The following BCO2 variants were observed in gnomAD, a reference collection of about 807,000 sequenced individuals.
The protein encoded by BCO2 is carotenoid-cleaving dioxygenase, mitochondrial.
A neutral mutation model predicts 65.8 loss-of-function variants in BCO2; 56 were observed. The ratio of observed to expected loss-of-function variants is 0.85; its 90% confidence interval spans 0.69 to 1.06. The LOEUF (loss-of-function observed/expected upper bound fraction) is 1.06. BCO2 is among the 50% of genes least tolerant of loss of function. The probability of loss-of-function intolerance (pLI) is 0.00; values close to 1 mark genes in which losing one functional copy is unlikely to be tolerated. For missense variants in BCO2, 675 were observed against 698.5 expected (o/e 0.97, Z 0.38); for synonymous variants, 233 against 242.3 (o/e 0.96, Z 0.36).
chr11:112,205,099 A>G (rs1373620709), intron 8 of BCO2, among the ~76,000 whole-genome samples: 1 of 152,350 alleles, frequency 6.6e-6, no homozygotes, highest in South Asian at 2.1e-4. Context: ...ACAATAGTTT[A>G]TTAGTAGTTA....
At chr11:112,217,644 A>G (rs1358768164) in intron 11 of BCO2, 117 bp from the exon 12 acceptor site, 2 of 671,442 alleles carry the variant, frequency 3.0e-6, no homozygotes, top group Admixed American at 5.0e-5. Context: ...TACAGGTGTG[A>G]GCCACTGTGC....
chr11:112,204,166 T>C (rs1266711139), intron 8 of BCO2, among the ~76,000 whole-genome samples: 6 of 152,180 alleles, frequency 3.9e-5, no homozygotes, highest in Non-Finnish European at 8.8e-5. Context: ...ATAGAATATT[T>C]TTCTTTCTGT....
chr11:112,198,529 C>A (rs1306955403), intron 5 of BCO2, among the ~76,000 whole-genome samples: 1 of 151,778 alleles, frequency 6.6e-6, no homozygotes, highest in Non-Finnish European at 1.5e-5. Flanking sequence ...AAATTGTATA[C>A]AATGAGATAT....
chr11:112,181,113 G>C, intron 2 of BCO2: 1 of 1,467,692 alleles, frequency 6.8e-7, no homozygotes, highest in Non-Finnish European at 9.5e-7. Context: ...GAACCTGACA[G>C]TATGCTGGCC....
In BCO2 at chr11:112,175,599, A is replaced by C. The variant is rs1866861810; in HGVS notation, c.-3A>C. On this transcript the variant is annotated 5_prime_UTR_variant, in exon 1 of 12. Transcript: ENST00000357685. ...GAAATCACTGGATCTGCTCAATACA[A>C]AAATGTTTTTTCGAGTCTTTCTCCA... 1.9e-6 allele frequency: 3 copies of C among 1,611,518 alleles called. No individual in the cohort carries two copies. In the South Asian group the frequency reaches 3.3e-5, roughly 18 times the overall value.
At chr11:112,181,761 G>A (rs897589141) in intron 2 of BCO2, 32 of 852,270 alleles carry the variant, frequency 3.8e-5, no homozygotes, top group African/African-American at 6.6e-5. Context: ...CAGTGGTGCC[G>A]ATCTTTCTTG....
At chr11:112,192,677 CTTTT>C (rs71463410) in intron 2 of BCO2, among the ~76,000 whole-genome samples, 1 of 124,794 alleles carries the variant, frequency 8.0e-6, no homozygotes, top group Admixed American at 8.3e-5. Flanking sequence ...TTCTTTCTTT[CTTTT>C]TTTTTTTTTT....
At chr11:112,209,715 G>T (rs189631175) in intron 8 of BCO2, among the ~76,000 whole-genome samples, 207 of 152,238 alleles carry the variant, frequency 1.4e-3, no homozygotes, top group African/African-American at 4.8e-3. Context: ...TGAACATGGT[G>T]AAGTACATTG....
At chr11:112,178,655 C>T (rs1210313132) in intron 1 of BCO2, among the ~76,000 whole-genome samples, 1 of 152,106 alleles carries the variant, frequency 6.6e-6, no homozygotes, top group Non-Finnish European at 1.5e-5. Context: ...CTTCTTGTGC[C>T]TTTTGCACTT....
chr11:112,215,308 C>A, intron 10 of BCO2: 1 of 298,152 alleles, frequency 3.4e-6, no homozygotes, highest in Non-Finnish European at 6.4e-6. Context: ...CTCCCATATT[C>A]AACTCAGTAG....
In BCO2 at chr11:112,193,606, C is replaced by T. The variant is rs1368825461; in HGVS notation, c.426C>T (p.Ile142=). Residue 142 remains isoleucine (I), a synonymous_variant, in exon 3 of 12, where the codon ATC becomes ATT. Coordinates refer to ENST00000357685, the MANE Select transcript of BCO2 (RefSeq NM_031938.7). ...KANSAKNRIV[I]SEFGTLALPD... ...ACAGTGCTAAAAACCGAATTGTGAT[C>T]TCAGAATTTGGCACACTGGCTCTCC... 3 of 1,614,044 alleles carry T rather than the reference C, an allele frequency of 1.9e-6. No homozygotes were observed. Among genetic ancestry groups the T allele is most frequent in the African/African-American group, 2.7e-5 (2 of 74,916 alleles).
Position 112,185,906 on chromosome 11 carries a change from T to C in BCO2, c.293+6424T>C, listed in dbSNP as rs139141855. 8.0e-3 allele frequency among the ~76,000 whole-genome samples: 1,214 copies of C among 152,308 alleles called. 14 individuals carry two copies. The highest frequency in any genetic ancestry group is 0.024 in the Middle Eastern group (7 of 294). ...TGCAAAACTGAAACCTTGTATCCAC[T>C]GAACACTAATTTCCCATTCTTCCCT... is the stretch of plus-strand genomic sequence containing the variant. On this transcript the variant is annotated intron_variant, in intron 2 of 11. Transcript: ENST00000357685.
intron 5 of BCO2, among the ~76,000 whole-genome samples, chr11:112,196,858 T>TTCC (rs1206912977): frequency 4.6e-5 from 7 of 150,594 alleles, no homozygotes; most frequent in Non-Finnish European, 1.0e-4. Flanking sequence ...TCTCCTTCCT[T>TTCC]TCCTCCTCCT....
Position 112,185,518 on chromosome 11 carries a change from G to A in BCO2, c.293+6036G>A, listed in dbSNP as rs371407428. Among the ~76,000 whole-genome samples the A allele has an allele frequency of 5.3e-5, 8 of 152,196 alleles. No individual in the cohort carries two copies. In the South Asian group the frequency reaches 1.0e-3, roughly 20 times the overall value. ...TTAAAATATAGAAAAGGGAGGCTAGGGGAAGCATGTACCACCTGACACATC... is the reference window on the plus strand; with the variant it reads ...TTAAAATATAGAAAAGGGAGGCTAGAGGAAGCATGTACCACCTGACACATC... On this transcript the variant is annotated intron_variant, in intron 2 of 11. Transcript: ENST00000357685.
intron 8 of BCO2, among the ~76,000 whole-genome samples, chr11:112,204,610 T>A (rs1867820336): frequency 6.6e-6 from 1 of 152,236 alleles, no homozygotes; most frequent in Non-Finnish European, 1.5e-5. Flanking sequence ...ACCTTTATGA[T>A]GATCTACTAC....
chr11:112,178,605 G>A (rs1352719115), intron 1 of BCO2, among the ~76,000 whole-genome samples: 1 of 152,098 alleles, frequency 6.6e-6, no homozygotes, highest in Non-Finnish European at 1.5e-5. Context: ...AAAATAATAG[G>A]GAGAAGTTTC....
chr11:112,183,268 T>A (rs1328089508), intron 2 of BCO2: 2 of 718,356 alleles, frequency 2.8e-6, no homozygotes, highest in African/African-American at 1.8e-5. Context: ...ATCCACTCAG[T>A]TGTCTAGAAG....
At chr11:112,201,348 C>T (rs1041071107) in intron 7 of BCO2, among the ~76,000 whole-genome samples, 1 of 152,006 alleles carries the variant, frequency 6.6e-6, no homozygotes, top group African/African-American at 2.4e-5. Flanking sequence ...CAGGGTTTCA[C>T]CATATTGGCC....
At chr11:112,181,395 A>G (rs1171248736) in intron 2 of BCO2, 2 of 552,804 alleles carry the variant, frequency 3.6e-6, no homozygotes, top group East Asian at 3.7e-5. Context: ...TTTAGCTGGG[A>G]TGGTCTCGAT....
Sources: gnomAD v4.1 joint callset for allele counts (sites outside exome capture counted in the v4.1 genomes callset) on GRCh38, gnomAD v4.1.1 for gene constraint, MANE v1.5 for transcripts, NCBI Gene and HGNC (gene_info 2026-07-23, HGNC 2026-07-21) for gene names.